The following FAM3A variants were observed in gnomAD, a reference collection of about 807,000 sequenced individuals.
The protein encoded by FAM3A is FAM3 metabolism regulating signaling molecule A, also known as protein FAM3A.
Under a neutral mutation model 18.1 loss-of-function variants are expected in FAM3A, and 5 were observed. The ratio of observed to expected loss-of-function variants is 0.28; its 90% confidence interval spans 0.14 to 0.58. The LOEUF is 0.58. Ranked by LOEUF, FAM3A falls within the 20% of genes least tolerant of loss-of-function variation. The pLI, the probability that FAM3A is intolerant of heterozygous loss-of-function variation, is 0.91. For missense variants in FAM3A, 154 were observed against 216.6 expected (o/e 0.71, Z 1.81); for synonymous variants, 108 against 90.2 (o/e 1.20, Z -1.12).
intron 1 of FAM3A, among the ~76,000 whole-genome samples, chrX:154,514,561 G>A (rs1272537236): frequency 2.7e-5 from 3 of 111,456 alleles, no homozygotes; most frequent in Non-Finnish European, 5.7e-5. Context: ...CCGCCACCAC[G>A]CCCGGCTAAT....
chrX:154,512,450 CA>C, intron 2 of FAM3A: 1 of 221,306 alleles, frequency 4.5e-6, no homozygotes, highest in Non-Finnish European at 8.1e-6. Flanking sequence ...AACAAACAAA[CA>C]AAAAAGTACT....
At chrX:154,510,437 G>C (rs1279224242) in intron 3 of FAM3A, 1 of 105,403 alleles carries the variant, frequency 9.5e-6, no homozygotes, top group Non-Finnish European at 1.9e-5. Context: ...GAGGTGAGAG[G>C]ATCGCTTGAG....
At chrX:154,507,786 T>A in intron 6 of FAM3A, 25 bp downstream of exon 6, 1 of 1,172,312 alleles carries the variant, frequency 8.5e-7, no homozygotes, top group Non-Finnish European at 1.1e-6. Flanking sequence ...GCAGTCAAAA[T>A]GCAAGACGCT....
rs993912389 is a variant in FAM3A at position 154,516,198 on chromosome X, G to A, written c.-426C>T. The A allele has an allele frequency of 6.0e-4, 72 of 119,379 alleles. No homozygotes were observed. The highest frequency in any genetic ancestry group is 1.1e-3 in the Non-Finnish European group (64 of 57,922). The allele number at this position is 119,379 out of a possible 1,213,427, so 9.8% of individuals were successfully genotyped here. A position where few individuals can be genotyped will look rare whatever the true frequency, so the allele number is the denominator to read the frequency against. Reference sequence around the variant, plus strand: ...GCTCCGCCCCGGGAGAGGACGCAAGGCCGCTGCGCAGGGTGGCCAGGCAGG... The same window carrying A: ...GCTCCGCCCCGGGAGAGGACGCAAGACCGCTGCGCAGGGTGGCCAGGCAGG... On this transcript the variant is annotated 5_prime_UTR_variant, in exon 1 of 9. Transcript: ENST00000447601.
At chrX:154,507,660 TC>T in intron 6 of FAM3A, 150 bp downstream of exon 6, 1 of 817,958 alleles carries the variant, frequency 1.2e-6, no homozygotes, top group Non-Finnish European at 1.8e-6. Context: ...TCCCACAGCC[TC>T]CAGACCAAGC....
Position 154,515,879 on chromosome X carries a change from T to A in FAM3A, c.-107A>T. 1 of 842,407 alleles carries A rather than the reference T, an allele frequency of 1.2e-6. No homozygotes were observed. The highest frequency in any genetic ancestry group is 1.7e-6 in the Non-Finnish European group (1 of 574,702). 69.4% of individuals were successfully genotyped at this position (842,407 alleles called of 1,213,427 possible). A position where few individuals can be genotyped will look rare whatever the true frequency, so the allele number is the denominator to read the frequency against. ...CAGGGGCAAGCCTGTGCGGGACCCC[T>A]GCTGGGGGCGGGCGCGATCGGTGCT... On this transcript the variant is annotated 5_prime_UTR_variant, in exon 1 of 9. Transcript: ENST00000447601.
chrX:154,507,827 A>AT lies in FAM3A; in HGVS notation c.368_369insA (p.Phe123LeufsTer2), dbSNP rs1487026528. ...GCAACTCACCTCCGGCCCACATGTC[A>AT]AAGGCCCGGGCCTCGATGAGCTCGC... On this transcript the variant is annotated frameshift_variant, in exon 6 of 9. Coordinates refer to ENST00000447601, the MANE Select transcript of FAM3A (RefSeq NM_021806.4). LOFTEE classifies it high-confidence loss of function. 1 of 1,192,506 alleles carries AT rather than the reference A, an allele frequency of 8.4e-7. No homozygotes were observed. The highest frequency in any genetic ancestry group is 1.1e-6 in the Non-Finnish European group (1 of 886,389).
intron 2 of FAM3A, 45 bp from the exon 3 acceptor site, chrX:154,511,916 C>A (rs1557222934): frequency 8.5e-7 from 1 of 1,171,876 alleles, no homozygotes; most frequent in South Asian, 1.8e-5. Flanking sequence ...CCTCCCGGGG[C>A]CTGCGGCAGG....
At chrX:154,508,370 G>GGGGGGGGGCCCCCCCCCCCCC in intron 4 of FAM3A, 23 bp from the exon 5 acceptor site, 1 of 317,085 alleles carries the variant, frequency 3.2e-6, no homozygotes, top group Non-Finnish European at 5.6e-6. Context: ...GGGTGGGGGG[G>GGGGGGGGGCCCCCCCCCCCCC]ACGGGGAGAT....
chrX:154,506,794 T>C lies in FAM3A; in HGVS notation c.*17A>G, dbSNP rs1314715711. On this transcript the variant is annotated 3_prime_UTR_variant, in exon 9 of 9. Coordinates refer to ENST00000447601, the MANE Select transcript of FAM3A (RefSeq NM_021806.4). ...CTTGGTCTGGCCTCCCTCGGCCCGG[T>C]CCTGGCACTGGCCGTGCTAGCTGGC... The C allele has an allele frequency of 8.3e-7, 1 of 1,199,104 alleles. No individual in the cohort carries two copies. Among genetic ancestry groups the C allele is most frequent in the Non-Finnish European group, 1.1e-6 (1 of 885,147 alleles).
chrX:154,511,462 G>C (rs1391136775), intron 3 of FAM3A: 3 of 157,576 alleles, frequency 1.9e-5, no homozygotes, highest in East Asian at 1.5e-4. Context: ...CCGAAGGTGG[G>C]GCTGTCTCGT....
In FAM3A at chrX:154,507,931, C is replaced by T. The variant is rs898045585; in HGVS notation, c.335-70G>A. On this transcript the variant is annotated intron_variant, in intron 5 of 8. Transcript: ENST00000447601. ...TCAGGGCACGGCAGGCGGGTAGCAC[C>T]GGGGGTGGGGGGCAGCCCTTCTGGA... 5 of 962,731 alleles carry T rather than the reference C, an allele frequency of 5.2e-6. No homozygotes were observed. The East Asian group carries it at 1.3e-4, about 25-fold the overall frequency. 79.3% of individuals were successfully genotyped at this position (962,731 alleles called of 1,213,427 possible).
intron 3 of FAM3A, chrX:154,508,866 G>A (rs2069714557): frequency 2.2e-6 from 1 of 457,068 alleles, no homozygotes; most frequent in African/African-American, 2.3e-5. Flanking sequence ...TGCACAGCCA[G>A]GAACAAAGCA....
chrX:154,507,702 G>T, intron 6 of FAM3A, 109 bp downstream of exon 6: 1 of 913,015 alleles, frequency 1.1e-6, no homozygotes, highest in Non-Finnish European at 1.6e-6. Context: ...CTGAACCCAC[G>T]GAGGTGACTG....
chrX:154,512,747 C>G (rs2069962078), intron 2 of FAM3A, 76 bp downstream of exon 2: 3 of 732,888 alleles, frequency 4.1e-6, no homozygotes, highest in Non-Finnish European at 6.3e-6. Context: ...AACTCCCAAC[C>G]CAGAGCCTCA....
At chrX:154,507,123 C>A in intron 8 of FAM3A, 80 bp downstream of exon 8, 1 of 1,126,297 alleles carries the variant, frequency 8.9e-7, no homozygotes. Flanking sequence ...GGGGCGTGAG[C>A]AGCTGGGGAG....
chrX:154,515,852 G>C lies in FAM3A; in HGVS notation c.-80C>G. On this transcript the variant is annotated 5_prime_UTR_variant, in exon 1 of 9. Transcript: ENST00000447601. ...AGCGGAAGGACAGGTTTGGGTGGGG[G>C]TCAGGGGCAAGCCTGTGCGGGACCC... is the stretch of plus-strand genomic sequence containing the variant. 1.8e-6 allele frequency: 2 copies of C among 1,094,519 alleles called. No individual in the cohort carries two copies. Among genetic ancestry groups the C allele is most frequent in the Non-Finnish European group, 2.5e-6 (2 of 792,169 alleles). The allele number at this position is 1,094,519 out of a possible 1,213,427, so 90.2% of individuals were successfully genotyped here. A position where few individuals can be genotyped will look rare whatever the true frequency, so the allele number is the denominator to read the frequency against.
At chrX:154,507,371 G>C (rs1293996965) in intron 7 of FAM3A, 35 bp downstream of exon 7, 2 of 1,210,268 alleles carry the variant, frequency 1.7e-6, no homozygotes, top group Non-Finnish European at 2.2e-6. Flanking sequence ...TGCTGCAGAA[G>C]GGCAAGGCTG....
At chrX:154,507,938 G>A (rs1263673088) in intron 5 of FAM3A, 77 bp from the exon 6 acceptor site, 1 of 892,520 alleles carries the variant, frequency 1.1e-6, no homozygotes, top group African/African-American at 2.0e-5. Context: ...CACCGGGGGT[G>A]GGGGGCAGCC....
Sources: allele counts gnomAD v4.1 joint callset (sites outside exome capture counted in the v4.1 genomes callset), GRCh38; gene constraint gnomAD v4.1.1; transcripts MANE v1.5; gene names NCBI Gene and HGNC (gene_info 2026-07-23, HGNC 2026-07-21).